Variants in ING4 observed in about 807,000 individuals in gnomAD.
The protein encoded by ING4 is inhibitor of growth family member 4.
ING4 carries 28 observed loss-of-function variants against 33.1 expected under a neutral mutation model. That is an observed-to-expected ratio of 0.85 (90% CI 0.63 to 1.16). The LOEUF is 1.16. Among genes scored for constraint, ING4 ranks in the 50% most tolerant of loss-of-function variants. The pLI, the probability that ING4 is intolerant of heterozygous loss-of-function variation, is 0.00. For synonymous variants in ING4, 87 were observed against 104.4 expected (o/e 0.83, Z 1.02); for missense variants, 247 against 314.7 (o/e 0.78, Z 1.63).
At chr12:6,653,518 G>T in intron 2 of ING4, 122 bp from the exon 3 acceptor site, 2 of 936,710 alleles carry the variant, frequency 2.1e-6, no homozygotes, top group Non-Finnish European at 3.1e-6. Context: ...AAAAAGTACT[G>T]AATGTTCAGA....
chr12:6,652,937 CTT>C lies in ING4; in HGVS notation c.388_389del (p.Lys130GlufsTer21). On this transcript the variant is annotated frameshift_variant and splice_region_variant, in exon 4 of 8. Transcript: ENST00000341550. LOFTEE classifies it high-confidence loss of function. ...DYDSSSSKGK[K>X]SRTQKEKKAA... ...CTCACAGCCCCGCCCCCTCCTCACT[CTT>C]TTTGCCTTTGCTGGAAGAGCTGTCA... 1 of 1,613,222 alleles carries C rather than the reference CTT, an allele frequency of 6.2e-7. No homozygotes were observed. Among genetic ancestry groups the C allele is most frequent in the Non-Finnish European group, 8.5e-7 (1 of 1,179,276 alleles).
At chr12:6,660,402 A>G (rs1248790053) in intron 1 of ING4, among the ~76,000 whole-genome samples, 1 of 152,168 alleles carries the variant, frequency 6.6e-6, no homozygotes, top group Non-Finnish European at 1.5e-5. Flanking sequence ...TGAGGTTGGG[A>G]GTTTGAGACC....
At chr12:6,662,755 G>GA (rs1345125935) in intron 1 of ING4, among the ~76,000 whole-genome samples, 8 of 152,070 alleles carry the variant, frequency 5.3e-5, no homozygotes, top group Non-Finnish European at 8.8e-5. Flanking sequence ...CGACTATGGG[G>GA]AAAAAAATCT....
intron 4 of ING4, 79 bp downstream of exon 4, chr12:6,652,857 A>G: frequency 6.4e-7 from 1 of 1,552,388 alleles, no homozygotes; most frequent in Non-Finnish European, 8.9e-7. Context: ...CTGGTGCCAA[A>G]CTTCCCACCA....
Position 6,650,342 on chromosome 12 carries a change from T to C in ING4, c.*853A>G, listed in dbSNP as rs1225064069. ...CATTTATTGGAAATTAAGTGAAAGA[T>C]GTTTTATGGAGAAAAGATGCATGAT... On this transcript the variant is annotated 3_prime_UTR_variant, in exon 8 of 8. Coordinates refer to ENST00000341550, the MANE Select transcript of ING4 (RefSeq NM_016162.4). The C allele has an allele frequency of 2.6e-5, 4 of 152,166 alleles. No homozygotes were observed. Among genetic ancestry groups the C allele is most frequent in the Non-Finnish European group, 4.4e-5 (3 of 68,022 alleles). The allele number at this position is 152,166 out of a possible 1,614,324, so 9.4% of individuals were successfully genotyped here. A position where few individuals can be genotyped will look rare whatever the true frequency, so the allele number is the denominator to read the frequency against.
intron 2 of ING4, among the ~76,000 whole-genome samples, chr12:6,654,660 T>C (rs1009342990): frequency 1.3e-5 from 2 of 152,064 alleles, no homozygotes; most frequent in African/African-American, 2.4e-5. Context: ...TGGCTCATCA[T>C]TGCAACTTCT....
chr12:6,654,977 G>A (rs540059232), intron 2 of ING4, among the ~76,000 whole-genome samples: 3 of 151,444 alleles, frequency 2.0e-5, no homozygotes, highest in South Asian at 2.1e-4. Context: ...TGCCCGCCTC[G>A]GCCTCCCAAA....
In ING4 at chr12:6,651,048, G is replaced by A. The variant is rs1949162914; in HGVS notation, c.*147C>T. 1 of 864,930 alleles carries A rather than the reference G, an allele frequency of 1.2e-6. No individual in the cohort carries two copies. The highest frequency in any genetic ancestry group is 1.9e-6 in the Non-Finnish European group (1 of 538,980). The allele number at this position is 864,930 out of a possible 1,614,324, so 53.6% of individuals were successfully genotyped here. On this transcript the variant is annotated 3_prime_UTR_variant, in exon 8 of 8. Transcript: ENST00000341550. ...CAGGGTCTGATGCAGCCTCAGCACC[G>A]GGAGTGGGGAGAGGGGAGGAGAAGG...
Position 6,651,154 on chromosome 12 carries a change from G to A in ING4, c.*41C>T, listed in dbSNP as rs1287844599. 1.9e-6 allele frequency: 3 copies of A among 1,610,840 alleles called. No homozygotes were observed. The Admixed American group carries it at 5.0e-5, about 27-fold the overall frequency. ...TTCCTCTGCCCACTAGCCCAAGTCAGGGGATGTGGAAGAAACTGTGTTGGA... is the reference window on the plus strand; with the variant it reads ...TTCCTCTGCCCACTAGCCCAAGTCAAGGGATGTGGAAGAAACTGTGTTGGA... On this transcript the variant is annotated 3_prime_UTR_variant, in exon 8 of 8. Coordinates refer to ENST00000341550, the MANE Select transcript of ING4 (RefSeq NM_016162.4).
intron 1 of ING4, among the ~76,000 whole-genome samples, chr12:6,659,540 C>T (rs550003369): frequency 7.9e-5 from 12 of 151,952 alleles, no homozygotes; most frequent in Non-Finnish European, 1.3e-4. Flanking sequence ...AGGCCAGGCG[C>T]GGTGGCTCAC....
intron 1 of ING4, among the ~76,000 whole-genome samples, chr12:6,660,965 G>T (rs1043573567): frequency 2.6e-5 from 4 of 151,724 alleles, no homozygotes; most frequent in Admixed American, 6.6e-5. Flanking sequence ...GCTAATTTTT[G>T]TATTTTTAGT....
intron 1 of ING4, among the ~76,000 whole-genome samples, chr12:6,659,246 C>T (rs1044426274): frequency 6.6e-6 from 1 of 152,030 alleles, no homozygotes; most frequent in African/African-American, 2.4e-5. Flanking sequence ...TGGCAAAACC[C>T]CATCTCTACT....
chr12:6,652,943 G>C lies in ING4; in HGVS notation c.384C>G (p.Gly128=). 2 of 1,611,622 alleles carry C rather than the reference G, an allele frequency of 1.2e-6. No individual in the cohort carries two copies. Among genetic ancestry groups the C allele is most frequent in the Non-Finnish European group, 1.7e-6 (2 of 1,178,758 alleles). Residue 128 remains glycine, a synonymous_variant, in exon 4 of 8, where the codon GGC becomes GGG. Coordinates refer to ENST00000341550, the MANE Select transcript of ING4 (RefSeq NM_016162.4). ...GCCCCGCCCCCTCCTCACTCTTTTT[G>C]CCTTTGCTGGAAGAGCTGTCATAGT... ...SSDYDSSSSK[G]KKSRTQKEKK... is the part of the protein sequence containing the mutation.
Position 6,650,692 on chromosome 12 carries a change from A to G in ING4, c.*503T>C, listed in dbSNP as rs1429436807. ...CCCAGGATGAATCCTCTTGGCACAG[A>G]GGAAGGGGTGCCCCTTCAACTAGGG... On this transcript the variant is annotated 3_prime_UTR_variant, in exon 8 of 8. Transcript: ENST00000341550. 1.2e-5 allele frequency: 2 copies of G among 164,298 alleles called. No homozygotes were observed. The highest frequency in any genetic ancestry group is 2.7e-5 in the Non-Finnish European group (2 of 73,982). 10.2% of individuals were successfully genotyped at this position (164,298 alleles called of 1,614,324 possible).
Position 6,658,957 on chromosome 12 carries a change from G to A in ING4, c.38-2159C>T, listed in dbSNP as rs77516085. 1.8e-3 allele frequency among the ~76,000 whole-genome samples: 273 copies of A among 152,218 alleles called. 1 individual carries two copies. The highest frequency in any genetic ancestry group is 6.2e-3 in the African/African-American group (257 of 41,532). ...CTGTTCTCTCTAGTTGGAATGCACC[G>A]CTCGCTTTTCCTCATCCCATCCACC... On this transcript the variant is annotated intron_variant, in intron 1 of 7. Coordinates refer to ENST00000341550, the MANE Select transcript of ING4 (RefSeq NM_016162.4).
At chr12:6,657,714 G>A (rs1451954060) in intron 1 of ING4, 1 of 151,522 alleles carries the variant, frequency 6.6e-6, no homozygotes, top group Non-Finnish European at 1.5e-5. Flanking sequence ...GGTGGATCAC[G>A]AGGTCAGGAG....
At chr12:6,653,516 C>G in intron 2 of ING4, 120 bp from the exon 3 acceptor site, 2 of 980,788 alleles carry the variant, frequency 2.0e-6, no homozygotes, top group Non-Finnish European at 2.9e-6. Flanking sequence ...CTAAAAAGTA[C>G]TGAATGTTCA....
At chr12:6,651,632 C>A (rs2136260450) in intron 6 of ING4, among the ~76,000 whole-genome samples, 1 of 152,282 alleles carries the variant, frequency 6.6e-6, no homozygotes, top group East Asian at 1.9e-4. Flanking sequence ...ACCCCCGCCT[C>A]CCGAGTTCAA....
chr12:6,654,616 T>C (rs1215669345), intron 2 of ING4, among the ~76,000 whole-genome samples: 1 of 151,984 alleles, frequency 6.6e-6, no homozygotes, highest in Non-Finnish European at 1.5e-5. Flanking sequence ...GGATTCCAGG[T>C]GTGAGCCACT....
Sources: gnomAD v4.1 joint callset for allele counts (sites outside exome capture counted in the v4.1 genomes callset) on GRCh38, gnomAD v4.1.1 for gene constraint, MANE v1.5 for transcripts, NCBI Gene and HGNC (gene_info 2026-07-23, HGNC 2026-07-21) for gene names.